ARHGAP22: variants seen among roughly 807,000 people sequenced by gnomAD.
ARHGAP22 encodes rho GTPase-activating protein 22.
A neutral mutation model predicts 59.1 loss-of-function variants in ARHGAP22; 48 were observed. The observed-to-expected ratio is 0.81, with a 90% CI of 0.64 to 1.03. The LOEUF (loss-of-function observed/expected upper bound fraction) is 1.03. Among genes scored for constraint, ARHGAP22 ranks in the 50% least tolerant of loss-of-function variants. The probability of loss-of-function intolerance (pLI) is 0.00; values close to 1 mark genes in which losing one functional copy is unlikely to be tolerated. For synonymous variants in ARHGAP22, 445 were observed against 416.4 expected, an observed-to-expected ratio of 1.07 and a Z score of -0.84; for missense variants, 1,015 against 958.7, an observed-to-expected ratio of 1.06 and a Z score of -0.78.
intron 4 of ARHGAP22, among the ~76,000 whole-genome samples, chr10:48,462,733 C>A (rs1323211347): frequency 6.6e-6 from 1 of 152,262 alleles, no homozygotes; most frequent in Admixed American, 6.5e-5. Context: ...AGACCAGGCG[C>A]CCCTGCCCAG....
At chr10:48,573,241 G>A (rs555092880) in intron 2 of ARHGAP22, among the ~76,000 whole-genome samples, 1 of 152,128 alleles carries the variant, frequency 6.6e-6, no homozygotes, top group African/African-American at 2.4e-5. Context: ...GCCACAACTA[G>A]GGTATTTCCT....
intron 2 of ARHGAP22, among the ~76,000 whole-genome samples, chr10:48,572,823 A>G (rs1440960604): frequency 1.3e-5 from 2 of 152,198 alleles, no homozygotes; most frequent in Non-Finnish European, 2.9e-5. Context: ...GTGATTTTTA[A>G]GTTAACAGAG....
chr10:48,641,281 T>C (rs2062034384), intron 1 of ARHGAP22, among the ~76,000 whole-genome samples: 1 of 152,048 alleles, frequency 6.6e-6, no homozygotes, highest in African/African-American at 2.4e-5. Context: ...TCTAAATACC[T>C]CAATCAAAAT....
At position 48,450,879 on chromosome 10, in the gene ARHGAP22, C is replaced by T. The variant is rs776139187; in HGVS notation, c.1250G>A (p.Ser417Asn). Residue 417 changes from serine (S) to asparagine (N), a missense_variant, in exon 9 of 10, where the codon AGC becomes AAC. Ser to Asn is a conservative substitution (Grantham distance 46). Transcript: ENST00000249601. Reference protein sequence around the residue: ...TAPTGPGSRCSPGKKVQTLPS... With the variant: ...TAPTGPGSRCNPGKKVQTLPS... The stretch of plus-strand genomic sequence containing the variant: ...CAGGGTCTGCACCTTCTTCCCAGGG[C>T]TGCACCGGCTCCCCGGCCCCGTGGG... 9 of 1,587,356 alleles carry T rather than the reference C, an allele frequency of 5.7e-6. No individual in the cohort carries two copies. The Admixed American group carries it at 1.1e-4, about 19-fold the overall frequency.
At chr10:48,479,274 G>C in intron 4 of ARHGAP22, 1 of 316,096 alleles carries the variant, frequency 3.2e-6, no homozygotes, top group Non-Finnish European at 5.8e-6. Flanking sequence ...ATGGCTTTGT[G>C]ACATGTCTCA....
chr10:48,453,571 C>G, intron 7 of ARHGAP22, 146 bp from the exon 8 acceptor site: 1 of 1,252,484 alleles, frequency 8.0e-7, no homozygotes, highest in Non-Finnish European at 1.1e-6. Flanking sequence ...CTCTGCCAGG[C>G]TCGATGAGGG....
chr10:48,517,859 C>T (rs1388440726), intron 3 of ARHGAP22, among the ~76,000 whole-genome samples: 1 of 152,130 alleles, frequency 6.6e-6, no homozygotes, highest in Non-Finnish European at 1.5e-5. Context: ...CGCTTGTTTC[C>T]CTCTTTCCAG....
intron 1 of ARHGAP22, among the ~76,000 whole-genome samples, chr10:48,593,146 C>G (rs2059868137): frequency 6.6e-6 from 1 of 152,228 alleles, no homozygotes; most frequent in Non-Finnish European, 1.5e-5. Flanking sequence ...TAGGGTTCCT[C>G]TCTCAGCCCC....
chr10:48,604,658 C>G, intron 1 of ARHGAP22, 105 bp downstream of exon 1: 1 of 1,569,260 alleles, frequency 6.4e-7, no homozygotes. Context: ...GGTCCCAGAA[C>G]GCCCGCCCCA....
chr10:48,435,122 T>A, the ARHGAP22 span: 1 of 996,542 alleles, frequency 1.0e-6, no homozygotes, highest in Non-Finnish European at 1.4e-6. Context: ...TATTTTTGGG[T>A]GATTTTTCAA....
Position 48,451,068 on chromosome 10 carries a change from G to A in ARHGAP22, c.1061C>T (p.Pro354Leu), listed in dbSNP as rs571846097. Residue 354 changes from proline (P) to leucine (L), a missense_variant, in exon 9 of 10, where the codon CCG (proline) becomes CTG (leucine). Transcript: ENST00000249601. The stretch of plus-strand genomic sequence containing the variant: ...CCCGCGCGGGGAGGTGGGCCCTTCC[G>A]GGACCGGTGCCGTGAAGAGCTGGCT... ...KHSQLFTAPVPEGPTSPRGGL... is the reference protein window; with the variant it reads ...KHSQLFTAPVLEGPTSPRGGL... 21 of 1,552,462 alleles carry A rather than the reference G, an allele frequency of 1.4e-5. No homozygotes were observed. The African/African-American group carries it at 2.2e-4, about 16-fold the overall frequency.
At chr10:48,506,680 G>A (rs1204421202) in intron 3 of ARHGAP22, among the ~76,000 whole-genome samples, 2 of 152,132 alleles carry the variant, frequency 1.3e-5, no homozygotes. Flanking sequence ...GGTAGTCTAA[G>A]TGCATGCGCC....
chr10:48,621,836 G>GAGC (rs2061296693), intron 1 of ARHGAP22, among the ~76,000 whole-genome samples: 1 of 152,170 alleles, frequency 6.6e-6, no homozygotes, highest in Non-Finnish European at 1.5e-5. Flanking sequence ...CTAGCTAGGT[G>GAGC]AATATATGTT....
At chr10:48,565,806 AT>A (rs1486688982) in intron 2 of ARHGAP22, among the ~76,000 whole-genome samples, 1 of 152,190 alleles carries the variant, frequency 6.6e-6, no homozygotes, top group Non-Finnish European at 1.5e-5. Flanking sequence ...TTCAAAACTC[AT>A]TTTGGTCACT....
intron 3 of ARHGAP22, among the ~76,000 whole-genome samples, chr10:48,541,546 G>A (rs2055933736): frequency 1.3e-5 from 2 of 152,182 alleles, no homozygotes; most frequent in South Asian, 4.1e-4. Flanking sequence ...CTAGATCCAT[G>A]CAGCTAGCCC....
At chr10:48,539,802 A>C (rs2055755665) in intron 3 of ARHGAP22, among the ~76,000 whole-genome samples, 1 of 152,212 alleles carries the variant, frequency 6.6e-6, no homozygotes, top group Non-Finnish European at 1.5e-5. Flanking sequence ...TTTCTCTGGT[A>C]CTGCAATTAT....
intron 1 of ARHGAP22, among the ~76,000 whole-genome samples, chr10:48,603,399 T>C (rs922256918): frequency 2.6e-5 from 4 of 152,256 alleles, no homozygotes; most frequent in Admixed American, 1.3e-4. Flanking sequence ...GTTTTAATAA[T>C]AGATTTTATT....
At chr10:48,635,139 C>T (rs181088927) in intron 1 of ARHGAP22, among the ~76,000 whole-genome samples, 14 of 152,222 alleles carry the variant, frequency 9.2e-5, no homozygotes, top group African/African-American at 2.4e-5. Flanking sequence ...CCATGGGAGG[C>T]TCTTGGAGGC....
intron 4 of ARHGAP22, among the ~76,000 whole-genome samples, chr10:48,472,816 TAA>T (rs200554992): frequency 1.5e-4 from 21 of 144,164 alleles, no homozygotes; most frequent in Admixed American, 7.6e-4. Flanking sequence ...GGATGGCTAT[TAA>T]AAAAAAAACC....
Sources: allele counts gnomAD v4.1 joint callset (sites outside exome capture counted in the v4.1 genomes callset), GRCh38; gene constraint gnomAD v4.1.1; transcripts MANE v1.5; gene names NCBI Gene and HGNC (gene_info 2026-07-23, HGNC 2026-07-21).